Variants in RBFOX1 observed in about 807,000 individuals in gnomAD.
The protein encoded by RBFOX1 is RNA binding protein fox-1 homolog 1.
In RBFOX1, 8 loss-of-function variants were observed where a neutral mutation model predicts 57.7. That is an observed-to-expected ratio of 0.14 (90% CI 0.08 to 0.25). RBFOX1 has a LOEUF of 0.25. RBFOX1 is among the 10% of genes least tolerant of loss of function. RBFOX1 has a pLI of 1.00. For missense variants in RBFOX1, 611 were observed against 548.5 expected (o/e 1.11, Z -1.14); for synonymous variants, 326 against 222.4 (o/e 1.47, Z -4.15).
At chr16:6,132,712 C>T (rs72774521) in intron 1 of RBFOX1, among the ~76,000 whole-genome samples, 3,717 of 152,172 alleles carry the variant, frequency 0.024, 72 homozygotes, top group Non-Finnish European at 0.037. Context: ...TCTCTTTCTT[C>T]AACTATGTAA....
At chr16:7,338,673 A>G (rs1481860132) in intron 4 of RBFOX1, among the ~76,000 whole-genome samples, 3 of 152,230 alleles carry the variant, frequency 2.0e-5, no homozygotes, top group Non-Finnish European at 2.9e-5. Context: ...TATGTATTTT[A>G]TGAGACATCT....
intron 3 of RBFOX1, among the ~76,000 whole-genome samples, chr16:6,982,147 A>T (rs574500522): frequency 2.0e-5 from 3 of 152,300 alleles, no homozygotes; most frequent in Admixed American, 6.5e-5. Flanking sequence ...AGAGTTATCC[A>T]TGTTTATGGT....
At chr16:7,689,717 A>G (rs544531213) in intron 14 of RBFOX1, among the ~76,000 whole-genome samples, 2 of 152,128 alleles carry the variant, frequency 1.3e-5, no homozygotes, top group African/African-American at 4.8e-5. Flanking sequence ...CAACTCAAAG[A>G]AAAATGGAAA....
intron 4 of RBFOX1, among the ~76,000 whole-genome samples, chr16:7,125,028 C>T (rs749535415): frequency 4.6e-5 from 7 of 152,024 alleles, no homozygotes; most frequent in Non-Finnish European, 8.8e-5. Context: ...AGGAGGGGGC[C>T]GGCTTATTAA....
intron 3 of RBFOX1, among the ~76,000 whole-genome samples, chr16:6,984,712 C>A (rs974010337): frequency 2.6e-5 from 4 of 152,246 alleles, no homozygotes; most frequent in Admixed American, 6.5e-5. Context: ...GTGATCTCTT[C>A]TCACTGCAAC....
intron 2 of RBFOX1, among the ~76,000 whole-genome samples, chr16:6,492,251 G>C (rs1449145222): frequency 6.6e-6 from 1 of 152,180 alleles, no homozygotes; most frequent in Non-Finnish European, 1.5e-5. Flanking sequence ...ACCTTCTTCT[G>C]TAGAGGACTA....
intron 14 of RBFOX1, among the ~76,000 whole-genome samples, chr16:7,701,082 G>T (rs371335335): frequency 2.0e-5 from 3 of 152,118 alleles, no homozygotes; most frequent in Non-Finnish European, 4.4e-5. Context: ...GGGAAATCAC[G>T]AGGTTGAAAA....
At chr16:6,434,798 C>A in intron 2 of RBFOX1, among the ~76,000 whole-genome samples, 1 of 152,196 alleles carries the variant, frequency 6.6e-6, no homozygotes, top group Non-Finnish European at 1.5e-5. Flanking sequence ...TGACCACCTG[C>A]ATTTCCAATG....
At chr16:5,329,483 C>T (rs1355046802) in intron 1 of RBFOX1, among the ~76,000 whole-genome samples, 1 of 152,194 alleles carries the variant, frequency 6.6e-6, no homozygotes, top group Non-Finnish European at 1.5e-5. Context: ...TCAGCTCCCA[C>T]CAGGCCCCAC....
At position 5,438,508 on chromosome 16, in the gene RBFOX1, T is replaced by C. The variant is rs182463126; in HGVS notation, c.220-28708T>C. The stretch of plus-strand genomic sequence containing the variant: ...GCCCAGCATTCCAACTGAGTTATCC[T>C]GATCTCACCAGATATGCCCCCTGTT... On this transcript the variant is annotated intron_variant, in intron 1 of 2. Transcript: ENST00000585867. 3.4e-3 allele frequency among the ~76,000 whole-genome samples: 522 copies of C among 152,346 alleles called. 3 individuals are homozygous for C. The highest frequency in any genetic ancestry group is 4.6e-3 in the Non-Finnish European group (315 of 68,038).
intron 2 of RBFOX1, among the ~76,000 whole-genome samples, chr16:6,464,278 G>A (rs556712293): frequency 1.3e-5 from 2 of 152,188 alleles, no homozygotes; most frequent in Non-Finnish European, 2.9e-5. Context: ...ATATATTAAT[G>A]GTTGGAGTGC....
At chr16:7,126,060 G>A (rs1397890997) in intron 4 of RBFOX1, among the ~76,000 whole-genome samples, 1 of 152,144 alleles carries the variant, frequency 6.6e-6, no homozygotes, top group Admixed American at 6.6e-5. Context: ...TGCAGCATGG[G>A]CGACAGAGCC....
chr16:6,608,199 C>T (rs747548254), intron 2 of RBFOX1, among the ~76,000 whole-genome samples: 24 of 152,144 alleles, frequency 1.6e-4, no homozygotes, highest in Non-Finnish European at 2.5e-4. Flanking sequence ...TTGGTATCAT[C>T]ATTTTTTCTC....
intron 1 of RBFOX1, among the ~76,000 whole-genome samples, chr16:6,112,548 G>T (rs956374910): frequency 1.3e-5 from 2 of 152,104 alleles, no homozygotes; most frequent in East Asian, 1.9e-4. Flanking sequence ...AAAGTTAGCT[G>T]TGCATGGTGG....
chr16:6,234,720 C>T (rs2152913258), intron 1 of RBFOX1, among the ~76,000 whole-genome samples: 1 of 152,172 alleles, frequency 6.6e-6, no homozygotes, highest in South Asian at 2.1e-4. Flanking sequence ...ACAAAGGGGC[C>T]TTTTCATGGT....
intron 4 of RBFOX1, among the ~76,000 whole-genome samples, chr16:7,236,666 A>G (rs1259966543): frequency 6.6e-6 from 1 of 152,202 alleles, no homozygotes; most frequent in African/African-American, 2.4e-5. Context: ...AGTTGTTTGC[A>G]GAAGTAATTT....
At chr16:5,301,512 G>A (rs1336612159) in intron 1 of RBFOX1, among the ~76,000 whole-genome samples, 1 of 149,394 alleles carries the variant, frequency 6.7e-6, no homozygotes, top group Non-Finnish European at 1.5e-5. Flanking sequence ...CCAGCTACTC[G>A]GGAAGCTGAG....
chr16:6,927,439 A>AAAAAAC (rs869233820), intron 3 of RBFOX1, among the ~76,000 whole-genome samples: 2 of 149,658 alleles, frequency 1.3e-5, no homozygotes, highest in African/African-American at 4.9e-5. Context: ...AAAAAAAAAA[A>AAAAAAC]TCCGAACGTC....
intron 3 of RBFOX1, among the ~76,000 whole-genome samples, chr16:7,045,000 G>C (rs75779060): frequency 6.6e-6 from 1 of 152,152 alleles, no homozygotes; most frequent in Non-Finnish European, 1.5e-5. Context: ...GGTTGCAGCC[G>C]AAACACACAA....
Sources: gnomAD v4.1 joint callset for allele counts (sites outside exome capture counted in the v4.1 genomes callset) on GRCh38, gnomAD v4.1.1 for gene constraint, MANE v1.5 for transcripts, NCBI Gene and HGNC (gene_info 2026-07-23, HGNC 2026-07-21) for gene names.